Variants in ATXN7L1 observed in about 807,000 individuals in gnomAD.
ATXN7L1 encodes ataxin-7-like protein 1.
Under a neutral mutation model 70.8 loss-of-function variants are expected in ATXN7L1, and 15 were observed. The observed-to-expected ratio is 0.21, with a 90% CI of 0.14 to 0.33. The LOEUF (loss-of-function observed/expected upper bound fraction) is 0.33, where lower values mean the gene tolerates loss of function less well. Ranked by LOEUF, ATXN7L1 falls within the 10% of genes least tolerant of loss-of-function variation. The probability of loss-of-function intolerance (pLI) is 1.00; values close to 1 mark genes in which losing one functional copy is unlikely to be tolerated. For missense variants in ATXN7L1, 975 were observed against 1,097.1 expected (o/e 0.89, Z 1.57); for synonymous variants, 440 against 445.1 (o/e 0.99, Z 0.14).
intron 3 of ATXN7L1, among the ~76,000 whole-genome samples, chr7:105,774,631 T>C (rs925778519): frequency 5.9e-5 from 9 of 152,170 alleles, no homozygotes; most frequent in African/African-American, 1.9e-4. Context: ...AAGATTACAG[T>C]GTGAACCACC....
chr7:105,700,873 G>T (rs548389882), intron 3 of ATXN7L1, among the ~76,000 whole-genome samples: 1 of 152,122 alleles, frequency 6.6e-6, no homozygotes, highest in Non-Finnish European at 1.5e-5. Context: ...GTAGAGATGG[G>T]GTTTCACCAT....
chr7:105,803,631 G>T (rs139842366), intron 2 of ATXN7L1, among the ~76,000 whole-genome samples: 46 of 152,302 alleles, frequency 3.0e-4, no homozygotes, highest in Admixed American at 1.1e-3. Flanking sequence ...GCTCTTAGGG[G>T]ACAGATGACT....
Position 105,787,496 on chromosome 7 carries a change from A to ATT in ATXN7L1, c.355+1106_355+1107dup, listed in dbSNP as rs543559959. On this transcript the variant is annotated intron_variant, in intron 3 of 11. Transcript: ENST00000419735. ...GCCTACAGTATATACACAGATACAGATTATATATATGTAGATATGTATATA... is the reference window on the plus strand; with the variant it reads ...GCCTACAGTATATACACAGATACAGATTTTATATATATGTAGATATGTATATA... Among the ~76,000 whole-genome samples the ATT allele has an allele frequency of 1.3e-4, 20 of 152,312 alleles. No homozygotes were observed. In the East Asian group the frequency reaches 3.7e-3, roughly 28 times the overall value.
At position 105,772,063 on chromosome 7, in the gene ATXN7L1, A is replaced by ATTTT. The variant is rs533366742; in HGVS notation, c.355+16537_355+16540dup. Among the ~76,000 whole-genome samples, 492 of 99,824 alleles carry ATTTT rather than the reference A, an allele frequency of 4.9e-3. 43 individuals are homozygous for ATTTT. The highest frequency in any genetic ancestry group is 0.029 in the East Asian group (94 of 3,266). The allele number at this position is 99,824 out of a possible 152,430, so 65.5% of individuals were successfully genotyped here. A position where few individuals can be genotyped will look rare whatever the true frequency, so the allele number is the denominator to read the frequency against. On this transcript the variant is annotated intron_variant, in intron 3 of 11. Transcript: ENST00000419735. ...TATTAAAAGACAATATCAGATTGGA[A>ATTTT]TTTTTTTTTTTTTTTTTTTTTTTTT...
intron 4 of ATXN7L1, among the ~76,000 whole-genome samples, chr7:105,656,329 C>T (rs1227357318): frequency 1.3e-5 from 2 of 152,190 alleles, no homozygotes; most frequent in African/African-American, 4.8e-5. Flanking sequence ...GTCTTCTTGC[C>T]CACCTCCCTC....
chr7:105,873,482 A>C lies in ATXN7L1; in HGVS notation c.250+2330T>G, dbSNP rs983289098. 3.3e-5 allele frequency among the ~76,000 whole-genome samples: 5 copies of C among 152,310 alleles called. No homozygotes were observed. The East Asian group carries it at 9.7e-4, about 29-fold the overall frequency. On this transcript the variant is annotated intron_variant, in intron 2 of 11. Transcript: ENST00000419735. ...ACTGGAGATCCAGGTAACCAAATAA[A>C]CACCCTGTCTCAGCTCAACCCTTCA...
chr7:105,653,417 C>T (rs1800154935), intron 4 of ATXN7L1, among the ~76,000 whole-genome samples: 1 of 152,206 alleles, frequency 6.6e-6, no homozygotes, highest in South Asian at 2.1e-4. Flanking sequence ...CACAGCACTC[C>T]AGCCTAGAAG....
intron 3 of ATXN7L1, among the ~76,000 whole-genome samples, chr7:105,692,938 A>T (rs538338492): frequency 1.8e-4 from 28 of 151,972 alleles, no homozygotes; most frequent in Non-Finnish European, 3.4e-4. Flanking sequence ...GGCTGGTCTC[A>T]AACTCCTGGC....
At chr7:105,621,348 C>T (rs1297246262) in intron 8 of ATXN7L1, among the ~76,000 whole-genome samples, 1 of 152,208 alleles carries the variant, frequency 6.6e-6, no homozygotes, top group Non-Finnish European at 1.5e-5. Flanking sequence ...CACCCATTGC[C>T]TGCTTTATTA....
At chr7:105,623,572 C>T (rs1467530738) in intron 8 of ATXN7L1, among the ~76,000 whole-genome samples, 1 of 152,220 alleles carries the variant, frequency 6.6e-6, no homozygotes, top group African/African-American at 2.4e-5. Flanking sequence ...CACACACACG[C>T]TCAGTTCTGG....
At chr7:105,825,231 A>G (rs1260239476) in intron 2 of ATXN7L1, among the ~76,000 whole-genome samples, 1 of 152,194 alleles carries the variant, frequency 6.6e-6, no homozygotes, top group African/African-American at 2.4e-5. Flanking sequence ...TTTACCTTTC[A>G]TGTAGGATGC....
chr7:105,660,621 C>T (rs1299778522), intron 4 of ATXN7L1, among the ~76,000 whole-genome samples: 2 of 113,072 alleles, frequency 1.8e-5, no homozygotes, highest in Non-Finnish European at 3.3e-5. Context: ...CTTGCTCTGT[C>T]GCCCAGGCTG....
At chr7:105,839,501 C>A (rs1461939665) in intron 2 of ATXN7L1, among the ~76,000 whole-genome samples, 10 of 152,304 alleles carry the variant, frequency 6.6e-5, no homozygotes. Flanking sequence ...GGCCATTCAG[C>A]CTACACTGAA....
At chr7:105,679,795 GA>G (rs1805289865) in intron 3 of ATXN7L1, among the ~76,000 whole-genome samples, 1 of 152,048 alleles carries the variant, frequency 6.6e-6, no homozygotes, top group Non-Finnish European at 1.5e-5. Flanking sequence ...AAGGCGGGGG[GA>G]GTGACTGCTT....
chr7:105,770,825 C>T (rs1322850093), intron 3 of ATXN7L1, among the ~76,000 whole-genome samples: 1 of 152,138 alleles, frequency 6.6e-6, no homozygotes, highest in Non-Finnish European at 1.5e-5. Flanking sequence ...AATTTCCTAG[C>T]TAAATTCTAT....
At chr7:105,664,497 TAA>T (rs1491513263) in intron 4 of ATXN7L1, among the ~76,000 whole-genome samples, 1 of 100,572 alleles carries the variant, frequency 9.9e-6, no homozygotes, top group Non-Finnish European at 2.0e-5. Context: ...CATATATGTA[TAA>T]TATATGTATA....
At chr7:105,819,031 C>T (rs1356666324) in intron 2 of ATXN7L1, among the ~76,000 whole-genome samples, 2 of 151,808 alleles carry the variant, frequency 1.3e-5, no homozygotes, top group African/African-American at 2.4e-5. Flanking sequence ...TATCCCTCCC[C>T]CAGCCCCCCA....
intron 3 of ATXN7L1, among the ~76,000 whole-genome samples, chr7:105,671,333 G>C (rs1016737876): frequency 6.6e-6 from 1 of 151,790 alleles, no homozygotes; most frequent in East Asian, 1.9e-4. Context: ...ATTTCCTTGA[G>C]GTATAATTCC....
chr7:105,690,140 G>A (rs1350322449), intron 3 of ATXN7L1, among the ~76,000 whole-genome samples: 1 of 152,164 alleles, frequency 6.6e-6, no homozygotes, highest in Admixed American at 6.5e-5. Context: ...GAGTAGCTGG[G>A]ATTACAGGCA....
Sources: allele counts gnomAD v4.1 joint callset (sites outside exome capture counted in the v4.1 genomes callset), GRCh38; gene constraint gnomAD v4.1.1; transcripts MANE v1.5; gene names NCBI Gene and HGNC (gene_info 2026-07-23, HGNC 2026-07-21).